The following FHL1 variants were observed in gnomAD, a reference collection of about 807,000 sequenced individuals.
FHL1 encodes the protein four and a half LIM domains protein 1.
FHL1 carries 1 observed loss-of-function variant against 20.3 expected under a neutral mutation model. That is an observed-to-expected ratio of 0.05 (90% CI 0.02 to 0.23). The LOEUF (loss-of-function observed/expected upper bound fraction) is 0.23, where lower values mean the gene tolerates loss of function less well. FHL1 is among the 10% of genes least tolerant of loss of function. The pLI is 1.00. For synonymous variants in FHL1, 82 were observed against 88.9 expected (o/e 0.92, Z 0.44); for missense variants, 177 against 234.0 (o/e 0.76, Z 1.59).
upstream of FHL1, among the ~76,000 whole-genome samples, chrX:136,192,301 T>G (rs2073447852): frequency 8.9e-6 from 1 of 111,912 alleles, no homozygotes; most frequent in Non-Finnish European, 1.9e-5. Context: ...CTGTAGGATG[T>G]GGTTAGGATA....
upstream of FHL1, among the ~76,000 whole-genome samples, chrX:136,164,878 T>G (rs2072670601): frequency 1.8e-5 from 2 of 112,506 alleles, no homozygotes; most frequent in South Asian, 7.2e-4. Flanking sequence ...TTGAAAGAAG[T>G]GCAAAAATCT....
intron 2 of FHL1, among the ~76,000 whole-genome samples, chrX:136,175,607 TTTTGA>T (rs1326445808): frequency 8.9e-6 from 1 of 112,651 alleles, no homozygotes; most frequent in Admixed American, 9.4e-5. Flanking sequence ...CAATAAATAG[TTTTGA>T]TTGAGTAGAT....
chrX:136,208,874 G>A (rs1266985131), intron 5 of FHL1, among the ~76,000 whole-genome samples: 1 of 102,989 alleles, frequency 9.7e-6, no homozygotes, highest in East Asian at 3.2e-4. Flanking sequence ...GAGTTCACAA[G>A]CCTGAGACCT....
At chrX:136,180,119 T>C (rs1420280547) in intron 2 of FHL1, among the ~76,000 whole-genome samples, 2 of 112,153 alleles carry the variant, frequency 1.8e-5, no homozygotes, top group African/African-American at 6.5e-5. Flanking sequence ...ACGTAGTAAC[T>C]CAAATGTGCA....
At chrX:136,204,984 C>G (rs913625029) in intron 1 of FHL1, 3 of 112,472 alleles carry the variant, frequency 2.7e-5, no homozygotes, top group East Asian at 2.8e-4. Context: ...CATTCTTTCT[C>G]TCTAAATTAC....
intron 1 of FHL1, among the ~76,000 whole-genome samples, chrX:136,157,594 A>T (rs1292650103): frequency 9.0e-6 from 1 of 110,908 alleles, no homozygotes; most frequent in African/African-American, 3.3e-5. Context: ...TCACCTCCAC[A>T]AGTTTATCCT....
intron 1 of FHL1, among the ~76,000 whole-genome samples, chrX:136,154,841 G>C (rs1173077272): frequency 9.0e-6 from 1 of 110,768 alleles, no homozygotes; most frequent in Non-Finnish European, 1.9e-5. Context: ...CTACTAGCTG[G>C]GATTACAGGC....
intron 1 of FHL1, among the ~76,000 whole-genome samples, chrX:136,200,578 G>A (rs977268006): frequency 1.8e-5 from 2 of 111,932 alleles, no homozygotes; most frequent in African/African-American, 6.5e-5. Flanking sequence ...ACTTAGTTGT[G>A]GTAACATATC....
chrX:136,202,127 GGCCGA>G (rs1165123666), intron 1 of FHL1, among the ~76,000 whole-genome samples: 2 of 111,141 alleles, frequency 1.8e-5, no homozygotes, highest in Non-Finnish European at 3.8e-5. Context: ...CAAGTTGGGA[GGCCGA>G]GGTGGGCAGA....
chrX:136,150,756 C>T (rs1000063544), intron 1 of FHL1, among the ~76,000 whole-genome samples: 1 of 112,255 alleles, frequency 8.9e-6, no homozygotes, highest in African/African-American at 3.2e-5. Flanking sequence ...ATGGCTTCCA[C>T]CTTTCTGGTG....
In FHL1 at chrX:136,209,551, G is replaced by A. The variant is rs952030324; in HGVS notation, c.737-320G>A. 20 of 807,084 alleles carry A rather than the reference G, an allele frequency of 2.5e-5. No individual in the cohort carries two copies. In the African/African-American group the frequency reaches 2.5e-4, roughly 10 times the overall value. 66.5% of individuals were successfully genotyped at this position (807,084 alleles called of 1,213,427 possible). ...TGGTTATGCTGGGAGGTCGGTGCGC[G>A]TCACAGGGCAATAGCGTGGTGGCAT... On this transcript the variant is annotated intron_variant, in intron 5 of 5. Transcript: ENST00000370683.
At chrX:136,152,055 T>C (rs1291157236) in intron 1 of FHL1, among the ~76,000 whole-genome samples, 1 of 112,236 alleles carries the variant, frequency 8.9e-6, no homozygotes, top group Non-Finnish European at 1.9e-5. Flanking sequence ...CTATATACCA[T>C]TGGGCTTGCC....
At chrX:136,178,021 G>T (rs2073050777) in intron 2 of FHL1, among the ~76,000 whole-genome samples, 1 of 112,165 alleles carries the variant, frequency 8.9e-6, no homozygotes, top group African/African-American at 3.2e-5. Flanking sequence ...TCATAGCTAA[G>T]TCATACAAAT....
At chrX:136,165,280 T>C (rs1487999272), upstream of FHL1, among the ~76,000 whole-genome samples, 1 of 112,233 alleles carries the variant, frequency 8.9e-6, no homozygotes, top group Non-Finnish European at 1.9e-5. Flanking sequence ...TACTGCTTAT[T>C]TCCAATAAAT....
At chrX:136,178,622 A>G (rs1041034478) in intron 2 of FHL1, among the ~76,000 whole-genome samples, 1 of 111,756 alleles carries the variant, frequency 8.9e-6, no homozygotes, top group Non-Finnish European at 1.9e-5. Flanking sequence ...AACAACAACA[A>G]CAACAACAAC....
chrX:136,167,175 A>G (rs1213777245), upstream of FHL1: 1 of 111,973 alleles, frequency 8.9e-6, no homozygotes. Context: ...TACCATGCTA[A>G]GTACTGGGAG....
chrX:136,208,015 G>GT, intron 4 of FHL1, 54 bp downstream of exon 4: 3 of 1,157,840 alleles, frequency 2.6e-6, no homozygotes, highest in Non-Finnish European at 2.4e-6. Context: ...GTGTTTGACA[G>GT]TTTGCAGAGC....
At position 136,208,636 on chromosome X, in the gene FHL1, T is replaced by C; in HGVS notation, c.731T>C (p.Ile244Thr). The change falls in exon 5 of 6, where the codon ATC becomes ACC. Residue 244 changes from isoleucine (I) to threonine (T), a missense_variant. Transcript: ENST00000370683. ...AAGTGTGCTGGATGCAAGAACCCCA[T>C]CACTGGTAGGCTAAAGAGTCCTTGC... is the stretch of plus-strand genomic sequence containing the variant. ...AKKCAGCKNP[I>T]TGFGKGSSVV... The C allele has an allele frequency of 1.7e-6, 2 of 1,209,231 alleles. No individual in the cohort carries two copies. Among genetic ancestry groups the C allele is most frequent in the South Asian group, 1.8e-5 (1 of 56,902 alleles).
chrX:136,165,760 T>C (rs2072693850), upstream of FHL1, among the ~76,000 whole-genome samples: 1 of 112,376 alleles, frequency 8.9e-6, no homozygotes, highest in Non-Finnish European at 1.9e-5. Context: ...GTGGGGATCA[T>C]TGAAGCTTGG....
Sources: allele counts gnomAD v4.1 joint callset (sites outside exome capture counted in the v4.1 genomes callset), GRCh38; gene constraint gnomAD v4.1.1; transcripts MANE v1.5; gene names NCBI Gene and HGNC (gene_info 2026-07-23, HGNC 2026-07-21).